EPN2: variants seen among roughly 807,000 people sequenced by gnomAD.
EPN2 encodes epsin-2.
EPN2 carries 34 observed loss-of-function variants against 61.7 expected under a neutral mutation model. The observed-to-expected ratio is 0.55, with a 90% CI of 0.42 to 0.73. The LOEUF (loss-of-function observed/expected upper bound fraction) is 0.73, where lower values mean the gene tolerates loss of function less well. EPN2 is among the 30% of genes least tolerant of loss of function. The probability of loss-of-function intolerance (pLI) is 0.00; values close to 1 mark genes in which losing one functional copy is unlikely to be tolerated. For synonymous variants in EPN2, 349 were observed against 353.6 expected (o/e 0.99, Z 0.15); for missense variants, 714 against 839.2 (o/e 0.85, Z 1.84).
intron 1 of EPN2, among the ~76,000 whole-genome samples, chr17:19,248,683 G>A (rs759515541): frequency 1.3e-5 from 2 of 152,144 alleles, no homozygotes; most frequent in Non-Finnish European, 2.9e-5. Flanking sequence ...TGCTTATTGA[G>A]CACATATGTA....
chr17:19,290,628 C>A (rs952860618), intron 4 of EPN2, among the ~76,000 whole-genome samples: 3 of 138,870 alleles, frequency 2.2e-5, no homozygotes, highest in African/African-American at 5.5e-5. Context: ...TTGATGCTCC[C>A]TGAGCAAGTC....
At chr17:19,245,050 A>T (rs988703423) in intron 1 of EPN2, among the ~76,000 whole-genome samples, 53 of 152,168 alleles carry the variant, frequency 3.5e-4, no homozygotes, top group Admixed American at 6.5e-5. Context: ...GGTCATGGGC[A>T]CCTGGCCAGT....
chr17:19,285,096 C>G lies in EPN2; in HGVS notation c.596-524C>G, dbSNP rs1358124227. 6.6e-6 allele frequency among the ~76,000 whole-genome samples: 1 copy of G among 152,202 alleles called. No individual in the cohort carries two copies. Among genetic ancestry groups the G allele is most frequent in the Non-Finnish European group, 1.5e-5 (1 of 68,032 alleles). ...TCTTACCAACCCCCAGAGAGGCTCTCTTTGGATTGAGTTGGTCCCAACCTG... is the reference window on the plus strand; with the variant it reads ...TCTTACCAACCCCCAGAGAGGCTCTGTTTGGATTGAGTTGGTCCCAACCTG... On this transcript the variant is annotated intron_variant, in intron 3 of 10. Coordinates refer to ENST00000314728, the MANE Select transcript of EPN2 (RefSeq NM_014964.5). The surrounding 1 kb of genome is among the most constrained non-coding windows in gnomAD (Gnocchi z 4.5).
At chr17:19,328,417 A>G (rs188330736) in intron 7 of EPN2, among the ~76,000 whole-genome samples, 110 of 152,190 alleles carry the variant, frequency 7.2e-4, no homozygotes, top group African/African-American at 2.5e-3. Flanking sequence ...AGCCCCCTGT[A>G]TGGTGGGGAG....
In EPN2 at chr17:19,334,008, G is replaced by A; in HGVS notation, c.1680G>A (p.Gln560=). ...ACCCTTTCCAGGTGAACCAGCCCCAGCCGCTGACACTGAACCAGCTTCGGG... is the reference window on the plus strand; with the variant it reads ...ACCCTTTCCAGGTGAACCAGCCCCAACCGCTGACACTGAACCAGCTTCGGG... ...PVNPFQVNQP[Q]PLTLNQLRGS... Residue 560 remains glutamine, a synonymous_variant, in exon 11 of 11, where the codon CAG becomes CAA. Transcript: ENST00000314728. This position sits in a 1 kb window ranked among gnomAD's most constrained non-coding sequence, Gnocchi z 4.9. 1 of 1,592,212 alleles carries A rather than the reference G, an allele frequency of 6.3e-7. No individual in the cohort carries two copies.
intron 1 of EPN2, among the ~76,000 whole-genome samples, chr17:19,278,835 C>T (rs893432594): frequency 1.3e-5 from 2 of 152,024 alleles, no homozygotes; most frequent in African/African-American, 2.4e-5. Flanking sequence ...TAGGGTTTTG[C>T]CCTGTTGGCC....
At chr17:19,241,478 C>G (rs571947802) in intron 1 of EPN2, among the ~76,000 whole-genome samples, 5 of 150,622 alleles carry the variant, frequency 3.3e-5, no homozygotes, top group Non-Finnish European at 7.4e-5. Context: ...CCCAGCTACT[C>G]GGGAGGCTGA....
chr17:19,253,782 A>G (rs1278015771), intron 1 of EPN2, among the ~76,000 whole-genome samples: 1 of 152,164 alleles, frequency 6.6e-6, no homozygotes, highest in South Asian at 2.1e-4. Context: ...AAAATGTCAC[A>G]TGTGAGAGGG....
chr17:19,286,797 G>T (rs1052275481), intron 4 of EPN2, among the ~76,000 whole-genome samples: 3 of 152,028 alleles, frequency 2.0e-5, no homozygotes, highest in Non-Finnish European at 4.4e-5. Context: ...ACAGGATTTT[G>T]GCTTCTTCTA....
chr17:19,270,489 G>A (rs561045584), intron 1 of EPN2, among the ~76,000 whole-genome samples: 1 of 152,262 alleles, frequency 6.6e-6, no homozygotes, highest in Admixed American at 6.5e-5. Context: ...ATCTCCTGCC[G>A]AGCTGTCCTT....
chr17:19,239,874 C>T lies in EPN2; in HGVS notation c.-294+2343C>T, dbSNP rs190962272. On this transcript the variant is annotated intron_variant, in intron 1 of 10. Coordinates refer to ENST00000314728, the MANE Select transcript of EPN2 (RefSeq NM_014964.5). ...ATGCAGCCTTGAAAAATGACCCAACCTTTGTAGAAATTCTCTGTTATCACT... is the reference window on the plus strand; with the variant it reads ...ATGCAGCCTTGAAAAATGACCCAACTTTTGTAGAAATTCTCTGTTATCACT... Among the ~76,000 whole-genome samples, 9 of 152,290 alleles carry T rather than the reference C, an allele frequency of 5.9e-5. No individual in the cohort carries two copies. The South Asian group carries it at 1.0e-3, about 18-fold the overall frequency.
intron 1 of EPN2, chr17:19,249,556 A>G (rs1044883212): frequency 6.6e-6 from 1 of 152,256 alleles, no homozygotes. Flanking sequence ...CTTGGGGTGA[A>G]TGTCAGAGAG....
chr17:19,288,200 G>C (rs945561104), intron 4 of EPN2, among the ~76,000 whole-genome samples: 1 of 152,158 alleles, frequency 6.6e-6, no homozygotes, highest in Non-Finnish European at 1.5e-5. Flanking sequence ...GACCTTCCCA[G>C]GCCTGCTGAC....
chr17:19,270,853 C>T (rs2045245861), intron 1 of EPN2, among the ~76,000 whole-genome samples: 1 of 152,138 alleles, frequency 6.6e-6, no homozygotes, highest in African/African-American at 2.4e-5. Context: ...TCGGCAGGTG[C>T]TGGTTCGTGT....
rs1889396478 is a variant in EPN2 at position 19,332,064 on chromosome 17, A to G, written c.1623A>G (p.Ala541=). 1.9e-6 allele frequency: 3 copies of G among 1,606,756 alleles called. No homozygotes were observed. Among genetic ancestry groups the G allele is most frequent in the Non-Finnish European group, 2.5e-6 (3 of 1,178,308 alleles). ...PPAQSLNPFL[A]PGAPATSAPV... is the part of the protein sequence containing the mutation. ...CCCAGTCCCTCAACCCTTTCCTGGC[A>G]CCAGGTAGGCTCTCATCCCAGGCTT... is the stretch of plus-strand genomic sequence containing the variant. Residue 541 remains alanine (A), a synonymous_variant, in exon 10 of 11, where the codon GCA becomes GCG. Transcript: ENST00000314728.
chr17:19,334,301 G>C lies in EPN2; in HGVS notation c.*47G>C. On this transcript the variant is annotated 3_prime_UTR_variant, in exon 11 of 11. Transcript: ENST00000314728. The surrounding 1 kb of genome is among the most constrained non-coding windows in gnomAD (Gnocchi z 4.9). ...CAGAGCACCTGTGCTGGAGGATGCC[G>C]AGCAGGGACTCTCGTCTGTGGGACG... The C allele has an allele frequency of 7.4e-6, 10 of 1,352,140 alleles. No individual in the cohort carries two copies. Among genetic ancestry groups the C allele is most frequent in the Non-Finnish European group, 9.6e-6 (10 of 1,037,936 alleles). The allele number at this position is 1,352,140 out of a possible 1,614,324, so 83.8% of individuals were successfully genotyped here.
intron 1 of EPN2, among the ~76,000 whole-genome samples, chr17:19,240,626 A>G (rs576096877): frequency 3.3e-5 from 5 of 152,106 alleles, no homozygotes; most frequent in Admixed American, 1.3e-4. Flanking sequence ...TGGACTTTTA[A>G]CTCATGTATT....
At chr17:19,262,353 C>T (rs1208731777) in intron 1 of EPN2, among the ~76,000 whole-genome samples, 1 of 152,030 alleles carries the variant, frequency 6.6e-6, no homozygotes, top group Non-Finnish European at 1.5e-5. Flanking sequence ...TGGCACATGC[C>T]TGTAATCCCA....
chr17:19,301,546 T>TCC (rs1384278964), intron 4 of EPN2, among the ~76,000 whole-genome samples: 1 of 152,106 alleles, frequency 6.6e-6, no homozygotes, highest in Non-Finnish European at 1.5e-5. Flanking sequence ...TGGCCCAAGT[T>TCC]CCCTAGACCA....
Sources: allele counts gnomAD v4.1 joint callset (sites outside exome capture counted in the v4.1 genomes callset), GRCh38; gene constraint gnomAD v4.1.1; non-coding constraint Gnocchi (gnomAD v3.1); transcripts MANE v1.5; gene names NCBI Gene and HGNC (gene_info 2026-07-23, HGNC 2026-07-21).